The following CTDSP1 variants were observed in gnomAD, a reference collection of about 807,000 sequenced individuals.
CTDSP1 encodes the protein CTD small phosphatase 1.
CTDSP1 carries 15 observed loss-of-function variants against 32.5 expected under a neutral mutation model. That is an observed-to-expected ratio of 0.46 (90% CI 0.31 to 0.71). The LOEUF is 0.71. CTDSP1 is among the 30% of genes least tolerant of loss of function. The pLI, the probability that CTDSP1 is intolerant of heterozygous loss-of-function variation, is 0.05. For synonymous variants in CTDSP1, 185 were observed against 145.4 expected (o/e 1.27, Z -1.96); for missense variants, 294 against 351.1 (o/e 0.84, Z 1.30).
At chr2:218,403,167 A>T in intron 5 of CTDSP1, 40 bp downstream of exon 5, 1 of 1,613,154 alleles carries the variant, frequency 6.2e-7, no homozygotes, top group Non-Finnish European at 8.5e-7. Context: ...CTGCCCTCCT[A>T]CCTACCTCCC....
intron 1 of CTDSP1, chr2:218,400,906 A>G (rs1237083405): frequency 2.3e-6 from 1 of 427,430 alleles, no homozygotes; most frequent in Admixed American, 2.7e-5. Context: ...AGGTCTGCCC[A>G]CCCTCGCCTG....
At position 218,399,983 on chromosome 2, in the gene CTDSP1, C is replaced by A; in HGVS notation, c.-108C>A. The A allele has an allele frequency of 1.9e-6, 2 of 1,062,082 alleles. No individual in the cohort carries two copies. The highest frequency in any genetic ancestry group is 2.4e-6 in the Non-Finnish European group (2 of 838,126). The allele number at this position is 1,062,082 out of a possible 1,614,324, so 65.8% of individuals were successfully genotyped here. ...TCCCCTCCGGAGCTCGCGGGGATCC[C>A]TCCCTCCCACCCCTCCCCTCCCCCC... On this transcript the variant is annotated 5_prime_UTR_variant, in exon 1 of 7. Coordinates refer to ENST00000273062, the MANE Select transcript of CTDSP1 (RefSeq NM_021198.3).
At chr2:218,397,861 T>A (rs1483200928), upstream of CTDSP1, among the ~76,000 whole-genome samples, 1 of 152,104 alleles carries the variant, frequency 6.6e-6, no homozygotes, top group Admixed American at 6.6e-5. Flanking sequence ...CGGCTACCTC[T>A]GCCGCTTTGG....
At chr2:218,398,652 C>T (rs1354567377), upstream of CTDSP1, 3 of 397,050 alleles carry the variant, frequency 7.6e-6, no homozygotes, top group African/African-American at 6.3e-5. Context: ...GCGTCGCACC[C>T]GGCGGCCGGA....
At chr2:218,400,792 C>T (rs1189951076) in intron 1 of CTDSP1, 2 of 454,232 alleles carry the variant, frequency 4.4e-6, no homozygotes, top group Admixed American at 2.4e-5. Flanking sequence ...CGCAAAGCCT[C>T]GCCGCCCCGA....
chr2:218,403,905 C>G (rs1031584201), intron 6 of CTDSP1, among the ~76,000 whole-genome samples: 1 of 152,092 alleles, frequency 6.6e-6, no homozygotes, highest in African/African-American at 2.4e-5. Flanking sequence ...ACAAAAAATA[C>G]AAAAACTAGC....
chr2:218,398,277 T>C (rs1696924908), upstream of CTDSP1: 4 of 823,274 alleles, frequency 4.9e-6, no homozygotes, highest in Admixed American at 4.7e-5. Context: ...GCTTCCTTTC[T>C]TGAAACTCAG....
chr2:218,400,564 T>G (rs1423998194), intron 1 of CTDSP1: 1 of 356,420 alleles, frequency 2.8e-6, no homozygotes, highest in Non-Finnish European at 5.5e-6. Context: ...CCCCCCGGGC[T>G]GCGGTCCGGT....
intron 4 of CTDSP1, 173 bp from the exon 5 acceptor site, chr2:218,402,862 C>CG (rs1352203147): frequency 1.5e-6 from 1 of 659,962 alleles, no homozygotes; most frequent in Non-Finnish European, 2.8e-6. Context: ...CGTTTTCTGG[C>CG]GGGGGGTGGG....
intron 6 of CTDSP1, 197 bp downstream of exon 6, chr2:218,403,614 A>G (rs1697270025): frequency 1.9e-6 from 1 of 535,438 alleles, no homozygotes; most frequent in Non-Finnish European, 3.3e-6. Flanking sequence ...TTCCCCTCGC[A>G]CAAAGCAGAG....
chr2:218,404,467 C>T lies in CTDSP1; in HGVS notation c.*42C>T, dbSNP rs1380255641. The T allele has an allele frequency of 1.2e-6, 2 of 1,608,084 alleles. No individual in the cohort carries two copies. Among genetic ancestry groups the T allele is most frequent in the South Asian group, 1.1e-5 (1 of 90,860 alleles). On this transcript the variant is annotated 3_prime_UTR_variant, in exon 7 of 7. Transcript: ENST00000273062. ...AGGACCTGCCCCTGACCAATGATAC[C>T]CACACCTCCTCCCAGGAAGACTGCC...
intron 6 of CTDSP1, 147 bp from the exon 7 acceptor site, chr2:218,404,150 G>T: frequency 2.3e-6 from 2 of 866,430 alleles, no homozygotes; most frequent in East Asian, 2.5e-5. Flanking sequence ...GTGTTTTCCT[G>T]GGGATTGCTG....
chr2:218,400,323 A>C (rs919236601), intron 1 of CTDSP1, 166 bp downstream of exon 1: 35 of 745,270 alleles, frequency 4.7e-5, no homozygotes, highest in Middle Eastern at 4.6e-4. Context: ...AACTCAGAGG[A>C]GGCTCAGAGA....
intron 2 of CTDSP1, 136 bp from the exon 3 acceptor site, chr2:218,401,975 G>A (rs1697168318): frequency 1.4e-5 from 10 of 722,896 alleles, no homozygotes; most frequent in Non-Finnish European, 2.1e-5. Flanking sequence ...AGCTGGCAGG[G>A]GCAAAGCTGG....
chr2:218,404,895 A>T lies in CTDSP1; in HGVS notation c.*470A>T, dbSNP rs1697337771. ...AGCTCTAGGCTGGGAGGGGAGAACC[A>T]GCCCCTCCCCCTGCCCCACCTCCTC... On this transcript the variant is annotated 3_prime_UTR_variant, in exon 7 of 7. Transcript: ENST00000273062. 1 of 153,734 alleles carries T rather than the reference A, an allele frequency of 6.5e-6. No homozygotes were observed. The highest frequency in any genetic ancestry group is 1.5e-5 in the Non-Finnish European group (1 of 68,944). The allele number at this position is 153,734 out of a possible 1,614,324, so 9.5% of individuals were successfully genotyped here.
chr2:218,397,357 G>A (rs1696872893), upstream of CTDSP1, among the ~76,000 whole-genome samples: 1 of 152,136 alleles, frequency 6.6e-6, no homozygotes, highest in Non-Finnish European at 1.5e-5. Context: ...AGGAAGAGGG[G>A]TGCAGAGTTG....
chr2:218,402,400 C>T lies in CTDSP1; in HGVS notation c.373C>T (p.His125Tyr), dbSNP rs778143891. 9 of 1,608,530 alleles carry T rather than the reference C, an allele frequency of 5.6e-6. No homozygotes were observed. Among genetic ancestry groups the T allele is most frequent in the Non-Finnish European group, 6.8e-6 (8 of 1,177,094 alleles). The change falls in exon 4 of 7, where the codon CAC (histidine) becomes TAC (tyrosine). Residue 125 changes from histidine to tyrosine, a missense_variant. Physicochemically the swap from His to Tyr is moderately conservative, Grantham distance 83 (BLOSUM62 2). Transcript: ENST00000273062. ...IIPVEIDGVV[H>Y]QVYVLKRPHV... is the part of the protein sequence containing the mutation. ...CCCTGTGGAGATTGATGGGGTGGTCCACCAGGTGAGGGCCAGGAAGAGGCA... is the reference window on the plus strand; with the variant it reads ...CCCTGTGGAGATTGATGGGGTGGTCTACCAGGTGAGGGCCAGGAAGAGGCA...
chr2:218,399,783 C>T (rs888538234), upstream of CTDSP1: 9 of 1,078,864 alleles, frequency 8.3e-6, no homozygotes, highest in Middle Eastern at 4.0e-4. Context: ...CCAGAAGTGG[C>T]GAAAGCCGCA....
Position 218,405,008 on chromosome 2 carries a change from CTG to C in CTDSP1, c.*585_*586del, listed in dbSNP as rs1697341412. Reference sequence around the variant, plus strand: ...TACCACTGGGGAAGGCAGCAGGAGTCTGTCCTTCAGGCCCCACAGTGCAGCTT... The same window carrying C: ...TACCACTGGGGAAGGCAGCAGGAGTCTCCTTCAGGCCCCACAGTGCAGCTT... On this transcript the variant is annotated 3_prime_UTR_variant, in exon 7 of 7. Transcript: ENST00000273062. 1 of 153,378 alleles carries C rather than the reference CTG, an allele frequency of 6.5e-6. No individual in the cohort carries two copies. 9.5% of individuals were successfully genotyped at this position (153,378 alleles called of 1,614,324 possible). A position where few individuals can be genotyped will look rare whatever the true frequency, so the allele number is the denominator to read the frequency against.
Sources: allele counts gnomAD v4.1 joint callset (sites outside exome capture counted in the v4.1 genomes callset), GRCh38; gene constraint gnomAD v4.1.1; transcripts MANE v1.5; gene names NCBI Gene and HGNC (gene_info 2026-07-23, HGNC 2026-07-21).